Variants in ANK1 observed in about 807,000 individuals in gnomAD.
The protein encoded by ANK1 is ankyrin-1.
In ANK1, 51 loss-of-function variants were observed where a neutral mutation model predicts 210.4. The ratio of observed to expected loss-of-function variants is 0.24; its 90% CI spans 0.19 to 0.31. ANK1 has a LOEUF of 0.31. Among genes scored for constraint, ANK1 ranks in the 10% least tolerant of loss-of-function variants. ANK1 has a pLI of 1.00. For synonymous variants in ANK1, 967 were observed against 1,025.9 expected, an observed-to-expected ratio of 0.94 and a Z score of 1.10; for missense variants, 2,051 against 2,504.4, an observed-to-expected ratio of 0.82 and a Z score of 3.86.
rs114847291 is a variant in ANK1 at position 41,731,753 on chromosome 8, G to C, written c.228+2218C>G. Among the ~76,000 whole-genome samples, 430 of 152,290 alleles carry C rather than the reference G, an allele frequency of 2.8e-3. 1 individual carries two copies. Among genetic ancestry groups the C allele is most frequent in the South Asian group, 8.7e-3 (42 of 4,824 alleles). On this transcript the variant is annotated intron_variant, in intron 3 of 42. Coordinates refer to ENST00000289734, the MANE Select transcript of ANK1 (RefSeq NM_000037.4). Reference sequence around the variant, plus strand: ...TCTAAAAATAAAAAAGACACACCAAGTGTTCACTTGCAAAATCACAACCTG... The same window carrying C: ...TCTAAAAATAAAAAAGACACACCAACTGTTCACTTGCAAAATCACAACCTG...
intron 3 of ANK1, among the ~76,000 whole-genome samples, chr8:41,732,475 C>T (rs1307389798): frequency 3.9e-5 from 6 of 152,152 alleles, no homozygotes; most frequent in African/African-American, 9.7e-5. Context: ...TGCAATGGCG[C>T]GATCTCGGCT....
At chr8:41,709,174 A>G (rs375748743) in intron 16 of ANK1, among the ~76,000 whole-genome samples, 199 bp from the exon 17 acceptor site, 9 of 152,324 alleles carry the variant, frequency 5.9e-5, no homozygotes, top group African/African-American at 2.2e-4. Context: ...AGGCTTGCAT[A>G]GCCTCTATAT....
intron 18 of ANK1, among the ~76,000 whole-genome samples, chr8:41,705,524 T>C (rs916898559): frequency 2.6e-5 from 4 of 152,232 alleles, no homozygotes; most frequent in African/African-American, 4.8e-5. Context: ...CTCCTGGTAC[T>C]GTCACTGTCC....
At chr8:41,788,118 A>C (rs1279555498) in intron 1 of ANK1, among the ~76,000 whole-genome samples, 1 of 152,204 alleles carries the variant, frequency 6.6e-6, no homozygotes, top group Non-Finnish European at 1.5e-5. Flanking sequence ...AATTTGTAAC[A>C]AACACAGTGC....
rs549291787 is a variant in ANK1 at position 41,669,563 on chromosome 8, T to G, written c.5097-999A>C. Among the ~76,000 whole-genome samples, 300 of 152,182 alleles carry G rather than the reference T, an allele frequency of 2.0e-3. 2 individuals carry two copies. The highest frequency in any genetic ancestry group is 6.9e-3 in the African/African-American group (285 of 41,522). On this transcript the variant is annotated intron_variant, in intron 38 of 42. Transcript: ENST00000289734. ...GCGATCCAATCCACACTCAAAATCT[T>G]CTCCCCTAGCCTGTCCCACCCCATC...
chr8:41,742,770 A>G (rs1459483606), intron 2 of ANK1, among the ~76,000 whole-genome samples: 1 of 152,186 alleles, frequency 6.6e-6, no homozygotes, highest in Non-Finnish European at 1.5e-5. Flanking sequence ...GACACCAAGG[A>G]GTCTGAGGAC....
At chr8:41,717,555 C>T in intron 12 of ANK1, 49 bp downstream of exon 12, 1 of 1,498,396 alleles carries the variant, frequency 6.7e-7, no homozygotes, top group South Asian at 1.2e-5. Context: ...AAGCTGCCCT[C>T]TGAGCTCTTG....
In ANK1 at chr8:41,819,663, A is replaced by G. The variant is rs117335471; in HGVS notation, c.127-61526T>C. On this transcript the variant is annotated intron_variant, in intron 1 of 42. Transcript: ENST00000265709. ...TTAAGAACTGGGACCTCTGAAGACA[A>G]ACTCCCCTGAAAGCAGGCACAGTCA... 5.2e-4 allele frequency among the ~76,000 whole-genome samples: 79 copies of G among 152,244 alleles called. No individual in the cohort carries two copies. In the East Asian group the frequency reaches 0.013, roughly 26 times the overall value.
At chr8:41,664,096 G>A (rs1425415584) in intron 39 of ANK1, 1 of 471,494 alleles carries the variant, frequency 2.1e-6, no homozygotes, top group South Asian at 1.5e-5. Context: ...GCACTTTGCA[G>A]TATAGAAAAG....
intron 2 of ANK1, among the ~76,000 whole-genome samples, chr8:41,742,003 C>T (rs1294441444): frequency 6.6e-6 from 1 of 152,212 alleles, no homozygotes; most frequent in African/African-American, 2.4e-5. Flanking sequence ...GGAATGTCAA[C>T]TGACAGGATT....
At chr8:41,871,415 C>A (rs570108085) in intron 1 of ANK1, among the ~76,000 whole-genome samples, 3 of 152,340 alleles carry the variant, frequency 2.0e-5, no homozygotes, top group Admixed American at 2.0e-4. Flanking sequence ...TCAAGCCATC[C>A]TCCCATCTCA....
intron 21 of ANK1, among the ~76,000 whole-genome samples, 158 bp from the exon 22 acceptor site, chr8:41,701,780 G>C (rs923232385): frequency 6.6e-6 from 1 of 152,348 alleles, no homozygotes; most frequent in African/African-American, 2.4e-5. Context: ...CAGGAACCAC[G>C]GGGACGGGAC....
At chr8:41,736,989 T>C (rs1274230386) in intron 2 of ANK1, among the ~76,000 whole-genome samples, 1 of 152,110 alleles carries the variant, frequency 6.6e-6, no homozygotes, top group Non-Finnish European at 1.5e-5. Flanking sequence ...GGTTTGGTTT[T>C]CTCCCCGCTA....
rs140049362 is a variant in ANK1, at chr8:41,769,635, GAC to G, written c.28-11500_28-11499del. On this transcript the variant is annotated intron_variant, in intron 1 of 42. Transcript: ENST00000289734. ...TTTAGCAACTATTTGAGGATTAATT[GAC>G]ACACTACGAGTTGCACATTTAAAAT... Among the ~76,000 whole-genome samples the G allele has an allele frequency of 3.4e-3, 524 of 152,290 alleles. 3 individuals are homozygous for G. Among genetic ancestry groups the G allele is most frequent in the African/African-American group, 0.012 (503 of 41,552 alleles).
chr8:41,703,310 T>C (rs898412459), intron 20 of ANK1, among the ~76,000 whole-genome samples: 23 of 151,420 alleles, frequency 1.5e-4, no homozygotes, highest in Admixed American at 5.3e-4. Context: ...TGTACCATAC[T>C]GAAAACAGTT....
chr8:41,703,422 G>GTATGTA (rs1554554965), intron 20 of ANK1, among the ~76,000 whole-genome samples: 1 of 53,762 alleles, frequency 1.9e-5, no homozygotes, highest in African/African-American at 7.1e-5. Flanking sequence ...GTGTGTGTGT[G>GTATGTA]TATATATATA....
chr8:41,735,848 G>C (rs1833281822), intron 2 of ANK1, among the ~76,000 whole-genome samples: 1 of 152,184 alleles, frequency 6.6e-6, no homozygotes, highest in Non-Finnish European at 1.5e-5. Context: ...TTGGATGTTA[G>C]AGAAATGAGA....
At chr8:41,802,971 G>T (rs1587072752) in intron 1 of ANK1, among the ~76,000 whole-genome samples, 1 of 72,484 alleles carries the variant, frequency 1.4e-5, no homozygotes, top group Non-Finnish European at 3.1e-5. Context: ...GAGAGAGAGA[G>T]ATGAAAAAAG....
At chr8:41,681,558 A>G (rs1816033586) in intron 37 of ANK1, among the ~76,000 whole-genome samples, 1 of 152,212 alleles carries the variant, frequency 6.6e-6, no homozygotes, top group Admixed American at 6.5e-5. Context: ...GCTGCCTATC[A>G]CTACCCAGAG....
Sources: allele counts gnomAD v4.1 joint callset (sites outside exome capture counted in the v4.1 genomes callset), GRCh38; gene constraint gnomAD v4.1.1; transcripts MANE v1.5; gene names NCBI Gene and HGNC (gene_info 2026-07-23, HGNC 2026-07-21).